The following CALN1 variants were observed in gnomAD, a reference collection of about 807,000 sequenced individuals.
CALN1 encodes calneuron 1.
In CALN1, 17 loss-of-function variants were observed where a neutral mutation model predicts 30.6. The ratio of observed to expected loss-of-function variants is 0.56; its 90% CI spans 0.38 to 0.83. The LOEUF is 0.83. Among genes scored for constraint, CALN1 ranks in the 40% least tolerant of loss-of-function variants. The pLI is 0.00. For synonymous variants in CALN1, 156 were observed against 131.4 expected, an observed-to-expected ratio of 1.19 and a Z score of -1.28; for missense variants, 291 against 354.9, an observed-to-expected ratio of 0.82 and a Z score of 1.45.
At chr7:72,253,569 C>T (rs1795709243) in intron 3 of CALN1, among the ~76,000 whole-genome samples, 1 of 152,118 alleles carries the variant, frequency 6.6e-6, no homozygotes, top group Non-Finnish European at 1.5e-5. Context: ...AGAGAACGTG[C>T]AGGAGAAACT....
intron 2 of CALN1, among the ~76,000 whole-genome samples, chr7:72,387,219 AAGGG>A (rs1318422864): frequency 3.7e-4 from 39 of 105,204 alleles, no homozygotes; most frequent in Admixed American, 3.1e-4. Context: ...GGAAGGAAGG[AAGGG>A]AAGGAAGGGA....
chr7:72,085,869 C>T (rs1805452288), intron 4 of CALN1, among the ~76,000 whole-genome samples: 1 of 152,068 alleles, frequency 6.6e-6, no homozygotes, highest in African/African-American at 2.4e-5. Context: ...TAGAATAACT[C>T]CTAGCAGAAT....
intron 5 of CALN1, among the ~76,000 whole-genome samples, chr7:71,833,391 C>T (rs768368750): frequency 3.3e-5 from 5 of 151,916 alleles, no homozygotes; most frequent in African/African-American, 1.2e-4. Context: ...TCCTAAGAAA[C>T]GGGTAAAACA....
chr7:72,034,004 G>A (rs896716119), intron 4 of CALN1, among the ~76,000 whole-genome samples: 1 of 152,142 alleles, frequency 6.6e-6, no homozygotes, highest in African/African-American at 2.4e-5. Flanking sequence ...AAGGGCAGGA[G>A]GCAAGAGTGA....
intron 5 of CALN1, among the ~76,000 whole-genome samples, chr7:71,937,446 A>T (rs187098558): frequency 2.1e-4 from 32 of 149,496 alleles, no homozygotes; most frequent in Admixed American, 9.4e-4. Context: ...ATATACATCT[A>T]ATATATATAT....
chr7:72,154,264 G>A (rs1787489760), intron 3 of CALN1, among the ~76,000 whole-genome samples: 1 of 151,964 alleles, frequency 6.6e-6, no homozygotes, highest in Admixed American at 6.6e-5. Context: ...ACGGGATTAT[G>A]GACACCTTGT....
At chr7:72,163,391 T>TAAAAAAAAAAAAAAAAAAAAAAAGAAA (rs1563111506) in intron 3 of CALN1, among the ~76,000 whole-genome samples, 1 of 130,428 alleles carries the variant, frequency 7.7e-6, no homozygotes, top group Non-Finnish European at 1.6e-5. Flanking sequence ...TTATTGGAGA[T>TAAAAAAAAAAAAAAAAAAAAAAAGAAA]TAAAAAAAAA....
chr7:71,888,424 G>A (rs1455117785), intron 5 of CALN1, among the ~76,000 whole-genome samples: 3 of 134,514 alleles, frequency 2.2e-5, no homozygotes, highest in Admixed American at 7.9e-5. Flanking sequence ...TCTCCATGAA[G>A]CCATTATCGA....
chr7:72,245,474 C>A (rs553121875), intron 3 of CALN1, among the ~76,000 whole-genome samples: 1 of 151,568 alleles, frequency 6.6e-6, no homozygotes, highest in East Asian at 1.9e-4. Context: ...GCAAAATTAG[C>A]CGGGCATGGT....
In CALN1 at chr7:71,860,983, C is replaced by T. The variant is rs114147383; in HGVS notation, c.502-50491G>A. On this transcript the variant is annotated intron_variant, in intron 5 of 6. Transcript: ENST00000395275. ...AAGAGAACCATCTAGTTCAAAGTAA[C>T]CCACATTATTAACTTAACATGTGTG... Among the ~76,000 whole-genome samples the T allele has an allele frequency of 1.7e-3, 258 of 152,240 alleles. 1 individual carries two copies. Among genetic ancestry groups the T allele is most frequent in the African/African-American group, 6.0e-3 (248 of 41,546 alleles).
rs1793001116 is a variant in CALN1 at position 71,786,804 on chromosome 7, G to T, written c.*971C>A. On this transcript the variant is annotated 3_prime_UTR_variant, in exon 7 of 7. Transcript: ENST00000395275. ...TCCATGACTCCAGATGGCTGGGTGT[G>T]GGTATCAAAACCTCACCGCCAGTCC... 6.6e-6 allele frequency: 1 copy of T among 152,160 alleles called. No homozygotes were observed. The highest frequency in any genetic ancestry group is 1.5e-5 in the Non-Finnish European group (1 of 68,030). 9.4% of individuals were successfully genotyped at this position (152,160 alleles called of 1,614,324 possible). A position where few individuals can be genotyped will look rare whatever the true frequency, so the allele number is the denominator to read the frequency against.
intron 2 of CALN1, among the ~76,000 whole-genome samples, chr7:72,397,748 A>ACC (rs1554400046): frequency 6.7e-6 from 1 of 149,088 alleles, no homozygotes; most frequent in Admixed American, 6.8e-5. Flanking sequence ...ACACACACAC[A>ACC]CACCTTGCTC....
At chr7:72,322,346 C>A (rs1341663946) in intron 2 of CALN1, among the ~76,000 whole-genome samples, 1 of 152,146 alleles carries the variant, frequency 6.6e-6, no homozygotes, top group Non-Finnish European at 1.5e-5. Context: ...TGGGGAGTGG[C>A]TGTAAATACA....
intron 5 of CALN1, among the ~76,000 whole-genome samples, chr7:72,008,433 CTAAAT>C (rs1437071863): frequency 6.6e-6 from 1 of 150,506 alleles, no homozygotes; most frequent in East Asian, 2.0e-4. Flanking sequence ...AAAAAGAAAA[CTAAAT>C]AAAATAATTT....
upstream of CALN1, among the ~76,000 whole-genome samples, chr7:72,451,188 G>GAGAAGAAGAAGAAGA (rs758368072): frequency 1.6e-5 from 2 of 125,116 alleles, no homozygotes; most frequent in African/African-American, 7.9e-5. Context: ...GCAGGAGGAG[G>GAGAAGAAGAAGAAGA]AGAAGAAGAA....
intron 2 of CALN1, among the ~76,000 whole-genome samples, chr7:72,316,487 A>G (rs1356905550): frequency 6.6e-6 from 1 of 152,106 alleles, no homozygotes; most frequent in Non-Finnish European, 1.5e-5. Flanking sequence ...GTAAAGACAC[A>G]CAACATCCAC....
intron 5 of CALN1, among the ~76,000 whole-genome samples, chr7:71,973,856 A>G (rs1171800009): frequency 6.6e-6 from 1 of 152,226 alleles, no homozygotes; most frequent in Non-Finnish European, 1.5e-5. Context: ...AATTGAGGGT[A>G]TAAAAGGATG....
chr7:72,261,153 C>T lies in CALN1; in HGVS notation c.244+17533G>A, dbSNP rs769241824. On this transcript the variant is annotated intron_variant, in intron 3 of 6. Coordinates refer to ENST00000395275, the MANE Select transcript of CALN1 (RefSeq NM_031468.4). ...TGAAACCCATCTCTACAAAAAATTA[C>T]AAAAATTCGCCAGGTGTGGTGGCAC... is the stretch of plus-strand genomic sequence containing the variant. 3.9e-5 allele frequency among the ~76,000 whole-genome samples: 6 copies of T among 152,182 alleles called. 1 individual carries two copies. The highest frequency in any genetic ancestry group is 2.0e-4 in the Admixed American group (3 of 15,280).
chr7:72,269,575 C>G (rs1019854271), intron 3 of CALN1, among the ~76,000 whole-genome samples: 1 of 152,152 alleles, frequency 6.6e-6, no homozygotes, highest in Non-Finnish European at 1.5e-5. Flanking sequence ...TCCAGGCATC[C>G]AGCTAAGACA....
Sources: allele counts gnomAD v4.1 joint callset (sites outside exome capture counted in the v4.1 genomes callset), GRCh38; gene constraint gnomAD v4.1.1; transcripts MANE v1.5; gene names NCBI Gene and HGNC (gene_info 2026-07-23, HGNC 2026-07-21).